The following PAK3 variants were observed in gnomAD, a reference collection of about 807,000 sequenced individuals.
PAK3 encodes the protein p21 (RAC1) activated kinase 3, also known as serine/threonine-protein kinase PAK 3.
Under a neutral mutation model 41.0 loss-of-function variants are expected in PAK3, and 4 were observed. The ratio of observed to expected loss-of-function variants is 0.10; its 90% CI spans 0.05 to 0.22. The LOEUF is 0.22. Among genes scored for constraint, PAK3 ranks in the 10% least tolerant of loss-of-function variants. The pLI, the probability that PAK3 is intolerant of heterozygous loss-of-function variation, is 1.00. For missense variants in PAK3, 205 were observed against 409.9 expected (o/e 0.50, Z 4.32); for synonymous variants, 146 against 139.6 (o/e 1.05, Z -0.32).
chrX:111,079,921 T>C (rs750639643), intron 1 of PAK3, among the ~76,000 whole-genome samples: 2 of 112,249 alleles, frequency 1.8e-5, no homozygotes, highest in Admixed American at 9.5e-5. Context: ...TGTGGTAGAA[T>C]AGCAAAAGAA....
At chrX:111,198,466 A>G (rs939186453) in intron 16 of PAK3, among the ~76,000 whole-genome samples, 3 of 112,443 alleles carry the variant, frequency 2.7e-5, no homozygotes, top group East Asian at 5.6e-4. Flanking sequence ...TAGGTTTTAC[A>G]TTTAAGTATG....
At chrX:111,019,690 CA>C (rs147611129) in intron 1 of PAK3, among the ~76,000 whole-genome samples, 2 of 53,478 alleles carry the variant, frequency 3.7e-5, no homozygotes, top group Non-Finnish European at 6.0e-5. Flanking sequence ...ACCCTGCCTC[CA>C]AAAAAAAAAA....
chrX:111,041,240 G>T (rs770295293), intron 1 of PAK3, among the ~76,000 whole-genome samples: 1 of 112,994 alleles, frequency 8.9e-6, no homozygotes, highest in Non-Finnish European at 1.9e-5. Flanking sequence ...TGAGGCAAAA[G>T]CTGGGGTCCA....
intron 5 of PAK3, 79 bp downstream of exon 5, chrX:111,123,357 C>A: frequency 2.2e-6 from 2 of 902,426 alleles, no homozygotes; most frequent in South Asian, 4.1e-5. Flanking sequence ...GTAGTTGTTT[C>A]TTGAGGATTG....
chrX:111,216,619 G>A (rs2094882000), intron 17 of PAK3, 61 bp downstream of exon 17: 2 of 923,753 alleles, frequency 2.2e-6, no homozygotes, highest in Non-Finnish European at 1.6e-6. Flanking sequence ...CCATCTCAAT[G>A]TGTGACAGAG....
At chrX:111,212,063 T>G (rs1256147450) in intron 16 of PAK3, among the ~76,000 whole-genome samples, 1 of 111,846 alleles carries the variant, frequency 8.9e-6, no homozygotes, top group Admixed American at 9.5e-5. Flanking sequence ...TAGAACCTGG[T>G]GGACTATTTA....
At chrX:111,062,689 T>C (rs758968303) in intron 1 of PAK3, among the ~76,000 whole-genome samples, 53 of 111,606 alleles carry the variant, frequency 4.7e-4, no homozygotes, top group Non-Finnish European at 8.9e-4. Context: ...GCAGATCATA[T>C]TCCTACTACA....
intron 11 of PAK3, among the ~76,000 whole-genome samples, chrX:111,191,257 C>G (rs1360231369): frequency 9.0e-6 from 1 of 111,075 alleles, no homozygotes; most frequent in South Asian, 3.9e-4. Context: ...TGCCACCACA[C>G]CTGGCTAATT....
intron 1 of PAK3, among the ~76,000 whole-genome samples, chrX:111,022,719 G>T (rs911832375): frequency 9.0e-6 from 1 of 111,012 alleles, no homozygotes; most frequent in Non-Finnish European, 1.9e-5. Context: ...TGACCTGAAT[G>T]CTCCACTTGA....
chrX:111,061,018 T>C (rs1215173897), intron 1 of PAK3, among the ~76,000 whole-genome samples: 1 of 111,724 alleles, frequency 9.0e-6, no homozygotes, highest in Non-Finnish European at 1.9e-5. Flanking sequence ...CGTGAACTGT[T>C]GGCTTTTATT....
At chrX:111,168,553 C>T (rs1219856939) in intron 10 of PAK3, among the ~76,000 whole-genome samples, 2 of 111,676 alleles carry the variant, frequency 1.8e-5, no homozygotes, top group Non-Finnish European at 3.8e-5. Flanking sequence ...AGTGTGGAGA[C>T]ACCATTTTAT....
chrX:111,006,812 CCTTT>C (rs1275739344), intron 1 of PAK3, among the ~76,000 whole-genome samples: 43 of 54,990 alleles, frequency 7.8e-4, no homozygotes, highest in African/African-American at 2.2e-3. Context: ...TCTGCATTTC[CCTTT>C]CTTTCTTTCT....
intron 7 of PAK3, 108 bp from the exon 8 acceptor site, chrX:111,152,302 C>A: frequency 3.6e-6 from 2 of 555,397 alleles, no homozygotes; most frequent in East Asian, 3.5e-5. Context: ...TGGAGCATTT[C>A]CTTCTAGTTG....
chrX:111,154,546 T>C (rs1057231663), intron 8 of PAK3, among the ~76,000 whole-genome samples: 2 of 111,666 alleles, frequency 1.8e-5, no homozygotes, highest in Admixed American at 9.6e-5. Flanking sequence ...AATATATATT[T>C]ATTAAATGTA....
chrX:110,991,835 A>T lies in PAK3; in HGVS notation c.-28+47207A>T, dbSNP rs184324348. 3.5e-4 allele frequency among the ~76,000 whole-genome samples: 39 copies of T among 111,634 alleles called. No homozygotes were observed. In the East Asian group the frequency reaches 0.011, roughly 31 times the overall value. On this transcript the variant is annotated intron_variant, in intron 1 of 14. Transcript: ENST00000425146. ...GCATTTCGTTAAACACTTAATAAGT[A>T]ACTACTGTGTGCTAGCCAGTGTTCC... is the stretch of plus-strand genomic sequence containing the variant.
chrX:111,076,946 A>C (rs187658133), intron 1 of PAK3, among the ~76,000 whole-genome samples: 25 of 111,371 alleles, frequency 2.2e-4, no homozygotes, highest in African/African-American at 5.9e-4. Context: ...ACCAAAAAAA[A>C]CTCTTGGAAA....
At chrX:111,209,721 A>G (rs1217066093) in intron 16 of PAK3, among the ~76,000 whole-genome samples, 1 of 112,206 alleles carries the variant, frequency 8.9e-6, no homozygotes, top group Non-Finnish European at 1.9e-5. Flanking sequence ...TTTGTTTTCT[A>G]ATTTCTTAAC....
At chrX:111,207,806 T>A (rs2094770947) in intron 16 of PAK3, among the ~76,000 whole-genome samples, 1 of 112,076 alleles carries the variant, frequency 8.9e-6, no homozygotes, top group African/African-American at 3.2e-5. Flanking sequence ...TTGTTTTGTT[T>A]TGTTTTGAGA....
At chrX:110,960,970 T>C (rs1303046482) in intron 1 of PAK3, among the ~76,000 whole-genome samples, 1 of 111,723 alleles carries the variant, frequency 9.0e-6, no homozygotes, top group East Asian at 2.8e-4. Flanking sequence ...AATTCCATAG[T>C]GCATCTTTTC....
Sources: allele counts gnomAD v4.1 joint callset (sites outside exome capture counted in the v4.1 genomes callset), GRCh38; gene constraint gnomAD v4.1.1; transcripts MANE v1.5; gene names NCBI Gene and HGNC (gene_info 2026-07-23, HGNC 2026-07-21).